SLC25A28: variants seen among roughly 807,000 people sequenced by gnomAD.
SLC25A28 encodes the protein mitoferrin-2.
Under a neutral mutation model 31.9 loss-of-function variants are expected in SLC25A28, and 10 were observed. The ratio of observed to expected loss-of-function variants is 0.31; its 90% CI spans 0.19 to 0.53. The LOEUF is 0.53. SLC25A28 is among the 20% of genes least tolerant of loss of function. The pLI is 0.95. For synonymous variants in SLC25A28, 208 were observed against 203.6 expected, an observed-to-expected ratio of 1.02 and a Z score of -0.19; for missense variants, 256 against 490.3, an observed-to-expected ratio of 0.52 and a Z score of 4.51.
the SLC25A28 span, among the ~76,000 whole-genome samples, chr10:99,644,331 T>G: frequency 1.3e-5 from 2 of 152,234 alleles, no homozygotes; most frequent in African/African-American, 4.8e-5. Context: ...TGGCCTTCTT[T>G]GTCTCTTTTG....
chr10:99,610,827 C>A lies in SLC25A28; in HGVS notation c.*22G>T. ...AGGATGCAGCAGTGTCATCTGAACC[C>A]CTGGCTTCGTTCAGTGCTACTTCAC... On this transcript the variant is annotated 3_prime_UTR_variant, in exon 4 of 4. Coordinates refer to ENST00000370495, the MANE Select transcript of SLC25A28 (RefSeq NM_031212.4). 1 of 1,602,680 alleles carries A rather than the reference C, an allele frequency of 6.2e-7. No homozygotes were observed.
the SLC25A28 span, among the ~76,000 whole-genome samples, chr10:99,658,776 T>G: frequency 6.6e-6 from 1 of 152,060 alleles, no homozygotes; most frequent in Non-Finnish European, 1.5e-5. Context: ...GCCGTCCTCC[T>G]GGAAATGAGA....
chr10:99,638,690 C>T, the SLC25A28 span, among the ~76,000 whole-genome samples: 1 of 152,158 alleles, frequency 6.6e-6, no homozygotes, highest in Non-Finnish European at 1.5e-5. Context: ...AAAAAATGCT[C>T]AACATCACTA....
the SLC25A28 span, among the ~76,000 whole-genome samples, chr10:99,629,107 C>T: frequency 6.6e-6 from 1 of 152,170 alleles, no homozygotes; most frequent in Admixed American, 6.5e-5. Context: ...GGTGGGCCTA[C>T]TGGGAGGTAT....
the SLC25A28 span, among the ~76,000 whole-genome samples, chr10:99,655,280 C>A: frequency 5.3e-5 from 8 of 152,038 alleles, no homozygotes; most frequent in African/African-American, 1.9e-4. Context: ...AACACCACTG[C>A]ATTCCAGCCT....
chr10:99,656,847 T>C, the SLC25A28 span, among the ~76,000 whole-genome samples: 3 of 152,158 alleles, frequency 2.0e-5, no homozygotes, highest in Non-Finnish European at 4.4e-5. Context: ...AATAGAGAAA[T>C]ACTCTCAGTG....
chr10:99,618,401 A>G lies in SLC25A28; in HGVS notation c.291+1644T>C, dbSNP rs572221635. 3 of 985,454 alleles carry G rather than the reference A, an allele frequency of 3.0e-6. No homozygotes were observed. The East Asian group carries it at 3.4e-4, about 112-fold the overall frequency. The allele number at this position is 985,454 out of a possible 1,614,324, so 61.0% of individuals were successfully genotyped here. ...TGTTTTCCATTCAATACTCATCCAG[A>G]AAAACAGCATCCTAAACCCTGCACT... On this transcript the variant is annotated intron_variant, in intron 1 of 3. Coordinates refer to ENST00000370495, the MANE Select transcript of SLC25A28 (RefSeq NM_031212.4).
chr10:99,647,480 A>G, the SLC25A28 span, among the ~76,000 whole-genome samples: 4 of 152,122 alleles, frequency 2.6e-5, no homozygotes, highest in African/African-American at 9.7e-5. Context: ...ATGTCTGTTC[A>G]TGTCCTTTGC....
chr10:99,627,750 G>A, the SLC25A28 span, among the ~76,000 whole-genome samples: 1 of 152,020 alleles, frequency 6.6e-6, no homozygotes, highest in African/African-American at 2.4e-5. Flanking sequence ...CCACTTTTAA[G>A]TTATTTTAAA....
chr10:99,617,624 C>T (rs1165806318), intron 1 of SLC25A28: 1 of 985,446 alleles, frequency 1.0e-6, no homozygotes, highest in Non-Finnish European at 1.2e-6. Flanking sequence ...AAGTGTTTAA[C>T]ATACTCACTG....
chr10:99,632,142 C>T, the SLC25A28 span, among the ~76,000 whole-genome samples: 2 of 151,326 alleles, frequency 1.3e-5, no homozygotes, highest in Admixed American at 6.6e-5. Context: ...ATGATCCACC[C>T]GCCTCGGCCT....
chr10:99,651,589 CTTTTCT>C, the SLC25A28 span, among the ~76,000 whole-genome samples: 1 of 43,154 alleles, frequency 2.3e-5, no homozygotes, highest in Non-Finnish European at 5.2e-5. Context: ...TTGCCTTTTT[CTTTTCT>C]TTTTTTTTTT....
the SLC25A28 span, among the ~76,000 whole-genome samples, chr10:99,629,182 A>G: frequency 0.85 from 129,959 of 152,046 alleles, 55,647 homozygotes; most frequent in Middle Eastern, 0.92. Flanking sequence ...AGGTGAGTGA[A>G]TTCTCATTCT....
At chr10:99,659,186 C>G in the SLC25A28 span, among the ~76,000 whole-genome samples, 14 of 152,360 alleles carry the variant, frequency 9.2e-5, no homozygotes, top group East Asian at 2.1e-3. This position sits in a 1 kb window ranked among gnomAD's most constrained non-coding sequence, Gnocchi z 4.1. Context: ...AGAAAGCAAC[C>G]AGCCGAGAGT....
the SLC25A28 span, among the ~76,000 whole-genome samples, chr10:99,635,232 T>C: frequency 3.9e-5 from 6 of 152,034 alleles, no homozygotes; most frequent in African/African-American, 1.4e-4. Flanking sequence ...GAAACAAAAA[T>C]ATTAGTTAAA....
chr10:99,627,323 T>A, the SLC25A28 span, among the ~76,000 whole-genome samples: 1 of 152,228 alleles, frequency 6.6e-6, no homozygotes, highest in South Asian at 2.1e-4. Flanking sequence ...AATATAGGCC[T>A]GCAATGTGAA....
chr10:99,626,332 T>C, the SLC25A28 span, among the ~76,000 whole-genome samples: 1 of 152,160 alleles, frequency 6.6e-6, no homozygotes, highest in South Asian at 2.1e-4. Flanking sequence ...TCAGGAGATA[T>C]CATTATTTAT....
At chr10:99,637,358 A>G in the SLC25A28 span, among the ~76,000 whole-genome samples, 1 of 152,214 alleles carries the variant, frequency 6.6e-6, no homozygotes, top group East Asian at 1.9e-4. Context: ...AGTTGAAAGC[A>G]TTCCCTCTGA....
At chr10:99,646,010 G>A in the SLC25A28 span, among the ~76,000 whole-genome samples, 2 of 152,192 alleles carry the variant, frequency 1.3e-5, no homozygotes, top group South Asian at 2.1e-4. Flanking sequence ...TTGGAGGTCA[G>A]GGACCCACTT....
Sources: gnomAD v4.1 joint callset for allele counts (sites outside exome capture counted in the v4.1 genomes callset) on GRCh38, gnomAD v4.1.1 for gene constraint, Gnocchi (gnomAD v3.1) non-coding constraint, MANE v1.5 for transcripts, NCBI Gene and HGNC (gene_info 2026-07-23, HGNC 2026-07-21) for gene names.